Variants in ZNF629 observed in about 807,000 individuals in gnomAD.
The protein encoded by ZNF629 is DNA-binding protein.
In ZNF629, 9 loss-of-function variants were observed where a neutral mutation model predicts 59.7. The observed-to-expected ratio is 0.15, with a 90% confidence interval of 0.09 to 0.26. The LOEUF is 0.26. Ranked by LOEUF, ZNF629 falls within the 10% of genes least tolerant of loss-of-function variation. ZNF629 has a pLI of 1.00. For missense variants in ZNF629, 853 were observed against 1,165.4 expected (o/e 0.73, Z 3.90); for synonymous variants, 509 against 498.9 (o/e 1.02, Z -0.27).
At position 30,783,312 on chromosome 16, in the gene ZNF629, G is replaced by T. The variant is rs773132865; in HGVS notation, c.1016C>A (p.Thr339Lys). 3 of 1,614,112 alleles carry T rather than the reference G, an allele frequency of 1.9e-6. No homozygotes were observed. The highest frequency in any genetic ancestry group is 2.5e-6 in the Non-Finnish European group (3 of 1,180,008). The part of the protein sequence containing the change: ...QSSELTQHQR[T>K]HTGEKPYECL... ...CTCGTAGGGCTTCTCGCCTGTGTGC[G>T]TGCGCTGGTGCTGGGTCAGCTCCGA... The change falls in exon 3 of 3, where the codon ACG becomes AAG. Residue 339 changes from threonine to lysine, a missense_variant. Thr to Lys is a moderately conservative substitution (Grantham distance 78). Coordinates refer to ENST00000262525, the MANE Select transcript of ZNF629 (RefSeq NM_001080417.3).
In ZNF629 at chr16:30,786,083, G is replaced by A. The variant is rs1596782234; in HGVS notation, c.-34+945C>T. Among the ~76,000 whole-genome samples the A allele has an allele frequency of 1.3e-5, 2 of 152,228 alleles. No homozygotes were observed. Among genetic ancestry groups the A allele is most frequent in the South Asian group, 4.1e-4 (2 of 4,820 alleles). On this transcript the variant is annotated intron_variant, in intron 1 of 2. Transcript: ENST00000262525. The surrounding 1 kb of genome is among the most constrained non-coding windows in gnomAD (Gnocchi z 4.8). ...TGCACAGGGGCAGTGGGGCAAGGGA[G>A]ACATGGCAGGAGGCGCTGAGAGGTG...
At position 30,786,653 on chromosome 16, in the gene ZNF629, C is replaced by G. The variant is rs537430493; in HGVS notation, c.-34+375G>C. ...CCGCTTGGCTCCGGACTTCTGCTCC[C>G]CCGGAGCCGCGACCCCCGTCCCGCT... On this transcript the variant is annotated intron_variant, in intron 1 of 2. Transcript: ENST00000262525. This position sits in a 1 kb window ranked among gnomAD's most constrained non-coding sequence, Gnocchi z 4.8. Among the ~76,000 whole-genome samples, 1 of 151,314 alleles carries G rather than the reference C, an allele frequency of 6.6e-6. No homozygotes were observed. Among genetic ancestry groups the G allele is most frequent in the African/African-American group, 2.4e-5 (1 of 41,188 alleles).
rs1320546694 is a variant in ZNF629, at chr16:30,782,047, T to A, written c.2281A>T (p.Ser761Cys). The change falls in exon 3 of 3, where the codon AGC (serine) becomes TGC (cysteine). Residue 761 changes from serine (S) to cysteine (C), a missense_variant. By Grantham distance (112) the Ser-to-Cys change is moderately radical. Transcript: ENST00000262525. The stretch of plus-strand genomic sequence containing the variant: ...CGGTAGGGTCTGGCCCCCAGGGGGC[T>A]CCTGAGATGCTCCAGGAGGACGGAA... ...SSSVLLEHLRSPLGARPYRCS... is the reference protein window; with the variant it reads ...SSSVLLEHLRCPLGARPYRCS... The A allele has an allele frequency of 6.4e-7, 1 of 1,572,326 alleles. No individual in the cohort carries two copies. The highest frequency in any genetic ancestry group is 8.6e-7 in the Non-Finnish European group (1 of 1,159,228).
chr16:30,781,929 T>C lies in ZNF629; in HGVS notation c.2399A>G (p.Asp800Gly), dbSNP rs1396993131. ...CAGGGTGACTGCCTCTGGAGGGGGG[T>C]CCTCGGGATTGGGGGGTTTTTCCTG... ...HTQEKPPNPE[D>G]PPPEAVTLST... Residue 800 changes from aspartate to glycine, a missense_variant, in exon 3 of 3, where the codon GAC becomes GGC. Physicochemically the swap from Asp to Gly is moderately conservative, Grantham distance 94 (BLOSUM62 -1). Transcript: ENST00000262525. 1.4e-5 allele frequency: 20 copies of C among 1,466,144 alleles called. No homozygotes were observed. The highest frequency in any genetic ancestry group is 1.8e-5 in the Non-Finnish European group (20 of 1,095,088). The allele number at this position is 1,466,144 out of a possible 1,614,324, so 90.8% of individuals were successfully genotyped here.
In ZNF629 at chr16:30,786,779, TC is replaced by T. The variant is rs2054336867; in HGVS notation, c.-34+248del. 6.7e-6 allele frequency among the ~76,000 whole-genome samples: 1 copy of T among 149,926 alleles called. No homozygotes were observed. Among genetic ancestry groups the T allele is most frequent in the Admixed American group, 6.6e-5 (1 of 15,148 alleles). ...TCCAGGGCTGCGCTGGCAGCGCTGGTCCCCGGCCCCGGCCGATCCCTCTTCC... is the reference window on the plus strand; with the variant it reads ...TCCAGGGCTGCGCTGGCAGCGCTGGTCCCGGCCCCGGCCGATCCCTCTTCC... On this transcript the variant is annotated intron_variant, in intron 1 of 2. Coordinates refer to ENST00000262525, the MANE Select transcript of ZNF629 (RefSeq NM_001080417.3). This position sits in a 1 kb window ranked among gnomAD's most constrained non-coding sequence, Gnocchi z 4.8.
Position 30,783,967 on chromosome 16 carries a change from T to C in ZNF629, c.361A>G (p.Thr121Ala), listed in dbSNP as rs1163424290. 6.3e-7 allele frequency: 1 copy of C among 1,583,146 alleles called. No individual in the cohort carries two copies. Among genetic ancestry groups the C allele is most frequent in the East Asian group, 2.3e-5 (1 of 44,198 alleles). The change falls in exon 3 of 3, where the codon ACA (threonine) becomes GCA (alanine). Residue 121 changes from threonine to alanine, a missense_variant. Physicochemically the swap from Thr to Ala is moderately conservative, Grantham distance 58 (BLOSUM62 0). Coordinates refer to ENST00000262525, the MANE Select transcript of ZNF629 (RefSeq NM_001080417.3). The part of the protein sequence containing the change: ...EASWQWGALT[T>A]WNSPPVVPAN... The stretch of plus-strand genomic sequence containing the variant: ...GGGACGACTGGGGGGCTGTTCCATG[T>C]GGTGAGAGCGCCCCACTGCCAGCTG...
Position 30,786,728 on chromosome 16 carries a change from G to A in ZNF629, c.-34+300C>T, listed in dbSNP as rs1017472002. ...CCCCTGCCCCGGCCCCCGGGGTCCC[G>A]GCTCCTTCCAGCACTGCCAGGCTCC... On this transcript the variant is annotated intron_variant, in intron 1 of 2. Coordinates refer to ENST00000262525, the MANE Select transcript of ZNF629 (RefSeq NM_001080417.3). This position sits in a 1 kb window ranked among gnomAD's most constrained non-coding sequence, Gnocchi z 4.8. Among the ~76,000 whole-genome samples the A allele has an allele frequency of 6.8e-6, 1 of 148,042 alleles. No individual in the cohort carries two copies. Among genetic ancestry groups the A allele is most frequent in the Non-Finnish European group, 1.5e-5 (1 of 67,420 alleles).
In ZNF629 at chr16:30,782,453, G is replaced by A. The variant is rs762042472; in HGVS notation, c.1875C>T (p.Ser625=). Residue 625 remains serine (S), a synonymous_variant, in exon 3 of 3, where the codon TCC becomes TCT. Coordinates refer to ENST00000262525, the MANE Select transcript of ZNF629 (RefSeq NM_001080417.3). ...CTCTGCCCTCCGCAGCCCCGGGGTA[G>A]GAATTCCCTCTGAAAGGGAGCCTTG... is the stretch of plus-strand genomic sequence containing the variant. ...RSPRLPFRGN[S]YPGAAEGRAE... is the part of the protein sequence containing the mutation. 1.3e-6 allele frequency: 2 copies of A among 1,567,650 alleles called. No individual in the cohort carries two copies. Among genetic ancestry groups the A allele is most frequent in the Non-Finnish European group, 1.7e-6 (2 of 1,155,788 alleles).
intron 1 of ZNF629, among the ~76,000 whole-genome samples, chr16:30,785,984 A>G (rs1459669417): frequency 5.3e-5 from 8 of 152,100 alleles, no homozygotes; most frequent in African/African-American, 1.9e-4. Flanking sequence ...GAGGTCCCAC[A>G]CCATTTACAC....
In ZNF629 at chr16:30,784,153, T is replaced by C. The variant is rs201347043; in HGVS notation, c.175A>G (p.Thr59Ala). The C allele has an allele frequency of 6.2e-7, 1 of 1,609,890 alleles. No individual in the cohort carries two copies. The highest frequency in any genetic ancestry group is 1.7e-5 in the Admixed American group (1 of 59,670). Residue 59 changes from threonine (T) to alanine (A), a missense_variant, in exon 3 of 3, where the codon ACA becomes GCA. This residue lies in a region of ZNF629 where 232 missense variants were observed against 193.4 expected (regional missense o/e 1.20). Coordinates refer to ENST00000262525, the MANE Select transcript of ZNF629 (RefSeq NM_001080417.3). Reference protein sequence around the residue: ...PAQSPESKDSTEMSLERSSQD... With the variant: ...PAQSPESKDSAEMSLERSSQD... ...GAGGATCTCTCCAGGGACATCTCTG[T>C]TGAGTCCTTGGATTCTGGACTCTGA...
rs765638205 is a variant in ZNF629, at chr16:30,782,456, A to G, written c.1872T>C (p.Asn624=). Residue 624 remains asparagine (N), a synonymous_variant, in exon 3 of 3, where the codon AAT becomes AAC. Coordinates refer to ENST00000262525, the MANE Select transcript of ZNF629 (RefSeq NM_001080417.3). ...LRSPRLPFRG[N]SYPGAAEGRA... is the part of the protein sequence containing the mutation. ...TGCCCTCCGCAGCCCCGGGGTAGGA[A>G]TTCCCTCTGAAAGGGAGCCTTGGGG... 2.9e-5 allele frequency: 46 copies of G among 1,567,546 alleles called. No homozygotes were observed. Among genetic ancestry groups the G allele is most frequent in the Admixed American group, 1.3e-4 (7 of 52,784 alleles).
intron 1 of ZNF629, among the ~76,000 whole-genome samples, chr16:30,785,544 G>T (rs748253672): frequency 1.3e-5 from 2 of 152,080 alleles, no homozygotes; most frequent in Non-Finnish European, 2.9e-5. Context: ...AGGTTTCCCA[G>T]GCTAGAAAAG....
chr16:30,786,928 CCCGGGCTCCCGG>C lies in ZNF629; in HGVS notation c.-34+88_-34+99del, dbSNP rs1208794905. 2.0e-5 allele frequency: 3 copies of C among 151,954 alleles called. No individual in the cohort carries two copies. The highest frequency in any genetic ancestry group is 4.4e-5 in the Non-Finnish European group (3 of 67,948). The allele number at this position is 151,954 out of a possible 1,614,324, so 9.4% of individuals were successfully genotyped here. On this transcript the variant is annotated intron_variant, in intron 1 of 2. Transcript: ENST00000262525. The surrounding 1 kb of genome is among the most constrained non-coding windows in gnomAD (Gnocchi z 4.8). The stretch of plus-strand genomic sequence containing the variant: ...CCCGGGCGCGGGTGGGGGGCTCAGG[CCCGGGCTCCCGG>C]CCCCCGCCTCCCGGGCCCCATTGTT...
chr16:30,784,520 G>C lies in ZNF629; in HGVS notation c.-33-5C>G, dbSNP rs1019161390. On this transcript the variant is annotated splice_region_variant and splice_polypyrimidine_tract_variant and intron_variant, in intron 1 of 2. Transcript: ENST00000262525. Reference sequence around the variant, plus strand: ...GACTGCAGTGTTCCAGGGACCCTGCGGGGGAAGACAGCGATGAGCGCACAC... The same window carrying C: ...GACTGCAGTGTTCCAGGGACCCTGCCGGGGAAGACAGCGATGAGCGCACAC... 8 of 1,504,700 alleles carry C rather than the reference G, an allele frequency of 5.3e-6. No homozygotes were observed. The East Asian group carries it at 1.7e-4, about 33-fold the overall frequency. The allele number at this position is 1,504,700 out of a possible 1,614,324, so 93.2% of individuals were successfully genotyped here. A position where few individuals can be genotyped will look rare whatever the true frequency, so the allele number is the denominator to read the frequency against.
Position 30,783,328 on chromosome 16 carries a change from T to TTG in ZNF629, c.999_1000insCA (p.Thr334GlnfsTer17), listed in dbSNP as rs2054301172. The TTG allele has an allele frequency of 6.3e-7, 1 of 1,597,718 alleles. No homozygotes were observed. The highest frequency in any genetic ancestry group is 1.4e-5 in the African/African-American group (1 of 71,044). ...CCTGTGTGCGTGCGCTGGTGCTGGG[T>TTG]CAGCTCCGAGCTCTGGATGAAGCTC... is the stretch of plus-strand genomic sequence containing the variant. On this transcript the variant is annotated frameshift_variant, in exon 3 of 3. Coordinates refer to ENST00000262525, the MANE Select transcript of ZNF629 (RefSeq NM_001080417.3). LOFTEE classifies it high-confidence loss of function.
chr16:30,781,222 C>G lies in ZNF629; in HGVS notation c.*496G>C, dbSNP rs1351310310. On this transcript the variant is annotated 3_prime_UTR_variant, in exon 3 of 3. Transcript: ENST00000262525. ...AGCATCTTCCTCCATGAGAACTGTC[C>G]AGGGCTGCTGGGAGAGAACATTGTG... The G allele has an allele frequency of 6.6e-6, 1 of 152,594 alleles. No individual in the cohort carries two copies. The highest frequency in any genetic ancestry group is 6.5e-5 in the Admixed American group (1 of 15,286). 9.5% of individuals were successfully genotyped at this position (152,594 alleles called of 1,614,324 possible). A position where few individuals can be genotyped will look rare whatever the true frequency, so the allele number is the denominator to read the frequency against.
chr16:30,783,568 G>T lies in ZNF629; in HGVS notation c.760C>A (p.Arg254=). ...TQSTNLIKHQ[R]SHTGEKPYKC... ...TAGGGCTTCTCGCCGGTGTGGGATC[G>T]CTGGTGCTTGATGAGGTTGGTGCTC... Residue 254 remains arginine, a synonymous_variant, in exon 3 of 3, where the codon CGA becomes AGA. Transcript: ENST00000262525. 6.2e-7 allele frequency: 1 copy of T among 1,613,882 alleles called. No individual in the cohort carries two copies. Among genetic ancestry groups the T allele is most frequent in the South Asian group, 1.1e-5 (1 of 91,078 alleles).
chr16:30,785,731 CTT>C (rs2054325886), intron 1 of ZNF629, among the ~76,000 whole-genome samples: 1 of 152,020 alleles, frequency 6.6e-6, no homozygotes, highest in Non-Finnish European at 1.5e-5. Flanking sequence ...GCTCCAGAAA[CTT>C]TGTTGAATGA....
chr16:30,782,433 C>G lies in ZNF629; in HGVS notation c.1895G>C (p.Gly632Ala). Residue 632 changes from glycine to alanine, a missense_variant, in exon 3 of 3, where the codon GGC becomes GCC. This residue lies in a region of ZNF629 where 420 missense variants were observed against 435.6 expected (regional missense o/e 0.96). Transcript: ENST00000262525. ...GGGCTGTCCGGGGGCCTCCGCTCTG[C>G]CCTCCGCAGCCCCGGGGTAGGAATT... ...RGNSYPGAAEGRAEAPGQPLK... is the reference protein window; with the variant it reads ...RGNSYPGAAEARAEAPGQPLK... The G allele has an allele frequency of 6.4e-7, 1 of 1,565,452 alleles. No homozygotes were observed. The highest frequency in any genetic ancestry group is 8.7e-7 in the Non-Finnish European group (1 of 1,154,590).
Sources: allele counts gnomAD v4.1 joint callset (sites outside exome capture counted in the v4.1 genomes callset), GRCh38; gene constraint gnomAD v4.1.1; regional missense constraint gnomAD v4.1.1; non-coding constraint Gnocchi (gnomAD v3.1); transcripts MANE v1.5; gene names NCBI Gene and HGNC (gene_info 2026-07-23, HGNC 2026-07-21).